Variants in TGS1 observed in about 807,000 individuals in gnomAD.
TGS1 encodes the protein trimethylguanosine synthase.
Under a neutral mutation model 92.2 loss-of-function variants are expected in TGS1, and 69 were observed. That is an observed-to-expected ratio of 0.75 (90% confidence interval 0.62 to 0.91). The LOEUF is 0.91. Among genes scored for constraint, TGS1 ranks in the 40% least tolerant of loss-of-function variants. The pLI is 0.00. For missense variants in TGS1, 1,062 were observed against 1,001.2 expected, an observed-to-expected ratio of 1.06 and a Z score of -0.82; for synonymous variants, 345 against 338.1, an observed-to-expected ratio of 1.02 and a Z score of -0.22.
chr8:55,787,622 G>A (rs1466552704), intron 4 of TGS1, among the ~76,000 whole-genome samples: 1 of 152,200 alleles, frequency 6.6e-6, no homozygotes, highest in Non-Finnish European at 1.5e-5. Flanking sequence ...GTGCAAACTG[G>A]TGCCACTCAG....
In TGS1 at chr8:55,780,176, CT is replaced by C. The variant is rs1379304311; in HGVS notation, c.102-2561del. ...CTGGCATGGCTTTTTTTTTTTTTTT[CT>C]TTTTTTTTTTGAGTCAGAGATTCGC... On this transcript the variant is annotated intron_variant, in intron 1 of 12. Transcript: ENST00000260129. Among the ~76,000 whole-genome samples, 642 of 107,092 alleles carry C rather than the reference CT, an allele frequency of 6.0e-3. 1 individual carries two copies. The highest frequency in any genetic ancestry group is 0.019 in the African/African-American group (538 of 28,038). The allele number at this position is 107,092 out of a possible 152,430, so 70.3% of individuals were successfully genotyped here.
At chr8:55,774,284 CTT>C (rs1811314795) in intron 1 of TGS1, among the ~76,000 whole-genome samples, 1 of 152,148 alleles carries the variant, frequency 6.6e-6, no homozygotes, top group Admixed American at 6.5e-5. Context: ...CGCCAAGAGA[CTT>C]GAATTCTAGG....
Position 55,786,914 on chromosome 8 carries a change from G to T in TGS1, c.1016G>T (p.Cys339Phe). The change falls in exon 4 of 13, where the codon TGT becomes TTT. Residue 339 changes from cysteine to phenylalanine, a missense_variant. Coordinates refer to ENST00000260129, the MANE Select transcript of TGS1 (RefSeq NM_024831.8). Reference protein sequence around the residue: ...EEVTQSQLDSCTSHDGHQQLS... With the variant: ...EEVTQSQLDSFTSHDGHQQLS... ...GTAACACAGAGCCAATTAGATTCCT[G>T]TACAAGTCATGATGGTCATCAACAG... 6.2e-7 allele frequency: 1 copy of T among 1,614,120 alleles called. No individual in the cohort carries two copies. The highest frequency in any genetic ancestry group is 1.1e-5 in the South Asian group (1 of 91,072).
Position 55,785,762 on chromosome 8 carries a change from T to C in TGS1, c.210T>C (p.Gly70=). 2.5e-6 allele frequency: 4 copies of C among 1,613,472 alleles called. No homozygotes were observed. Among genetic ancestry groups the C allele is most frequent in the Non-Finnish European group, 3.4e-6 (4 of 1,179,758 alleles). Residue 70 remains glycine (G), a synonymous_variant, in exon 3 of 13, where the codon GGT becomes GGC. Coordinates refer to ENST00000260129, the MANE Select transcript of TGS1 (RefSeq NM_024831.8). ...TEEEEGGYSC[G]TAESHDSKGI... ...AAGAGGAAGGTGGTTATTCCTGTGG[T>C]ACTGCAGAATCACATGACAGCAAAG...
At chr8:55,785,058 G>GTTTTTTTTTTTTTTT (rs1262385274) in intron 2 of TGS1, among the ~76,000 whole-genome samples, 1 of 143,588 alleles carries the variant, frequency 7.0e-6, no homozygotes, top group Non-Finnish European at 1.5e-5. Flanking sequence ...GGTGTTTTTT[G>GTTTTTTTTTTTTTTT]TTTTTTGTTT....
intron 12 of TGS1, among the ~76,000 whole-genome samples, chr8:55,815,422 G>T (rs1803449501): frequency 6.6e-6 from 1 of 152,072 alleles, no homozygotes; most frequent in Non-Finnish European, 1.5e-5. Flanking sequence ...TTTAATGAGA[G>T]GAGACAGTAC....
Position 55,795,665 on chromosome 8 carries a change from G to A in TGS1, c.1368-313G>A, listed in dbSNP as rs1360052590. On this transcript the variant is annotated intron_variant, in intron 6 of 12. Transcript: ENST00000260129. Reference sequence around the variant, plus strand: ...TTTATATTTCCCTAACAAGGGGATAGGGTTTTCGTTTGTTTGTTTGTTTGT... The same window carrying A: ...TTTATATTTCCCTAACAAGGGGATAAGGTTTTCGTTTGTTTGTTTGTTTGT... Among the ~76,000 whole-genome samples, 3 of 152,106 alleles carry A rather than the reference G, an allele frequency of 2.0e-5. No homozygotes were observed. In the East Asian group the frequency reaches 5.8e-4, roughly 29 times the overall value.
At chr8:55,801,903 T>C (rs973958862) in intron 8 of TGS1, among the ~76,000 whole-genome samples, 2 of 150,210 alleles carry the variant, frequency 1.3e-5, no homozygotes, top group African/African-American at 2.5e-5. Flanking sequence ...GAATTAATAA[T>C]TGGAGTTTAG....
chr8:55,810,593 A>G (rs1803312839), intron 10 of TGS1, among the ~76,000 whole-genome samples: 2 of 152,248 alleles, frequency 1.3e-5, no homozygotes, highest in Non-Finnish European at 2.9e-5. Context: ...TTTGGCACTC[A>G]GTAGATATTT....
chr8:55,819,578 G>A (rs1164188147), intron 12 of TGS1, among the ~76,000 whole-genome samples: 2 of 151,748 alleles, frequency 1.3e-5, no homozygotes, highest in Non-Finnish European at 2.9e-5. Context: ...GATTACAGGT[G>A]TGAGCCACTG....
At chr8:55,797,736 C>G (rs1360322201) in intron 7 of TGS1, among the ~76,000 whole-genome samples, 1 of 152,128 alleles carries the variant, frequency 6.6e-6, no homozygotes, top group African/African-American at 2.4e-5. Flanking sequence ...TGAGCAGAAC[C>G]TTCATGTCAA....
intron 12 of TGS1, among the ~76,000 whole-genome samples, chr8:55,817,513 TAA>T (rs946169632): frequency 6.6e-6 from 1 of 152,214 alleles, no homozygotes; most frequent in African/African-American, 2.4e-5. Context: ...CTAAATACAA[TAA>T]AAATTTATCA....
chr8:55,798,926 C>T lies in TGS1; in HGVS notation c.1555C>T (p.Leu519Phe), dbSNP rs202068366. 5.6e-6 allele frequency: 9 copies of T among 1,595,184 alleles called. No individual in the cohort carries two copies. The highest frequency in any genetic ancestry group is 7.7e-6 in the Non-Finnish European group (9 of 1,172,444). ...SKILSKVEKF[L>F]TWVNKPMDEE... ...CTTAAAATTTAAGGTAGAAAAATTCCTCACATGGGTTAATAAACCAATGGA... is the reference window on the plus strand; with the variant it reads ...CTTAAAATTTAAGGTAGAAAAATTCTTCACATGGGTTAATAAACCAATGGA... The change falls in exon 8 of 13, where the codon CTC becomes TTC. Residue 519 changes from leucine to phenylalanine, a missense_variant. Physicochemically the swap from Leu to Phe is conservative, Grantham distance 22. Transcript: ENST00000260129.
intron 1 of TGS1, among the ~76,000 whole-genome samples, chr8:55,781,083 C>G (rs1343768667): frequency 6.6e-6 from 1 of 152,214 alleles, no homozygotes; most frequent in East Asian, 1.9e-4. Flanking sequence ...GCTCATTGTG[C>G]TTATTGCTCC....
chr8:55,785,644 G>GT (rs1190688454), intron 2 of TGS1, 75 bp from the exon 3 acceptor site: 153 of 1,179,770 alleles, frequency 1.3e-4, no homozygotes, highest in Non-Finnish European at 1.7e-4. Flanking sequence ...TGGATCTCAG[G>GT]TTTTTTTAAA....
intron 1 of TGS1, among the ~76,000 whole-genome samples, chr8:55,776,463 A>G (rs12541450): frequency 0.15 from 22,789 of 151,700 alleles, 1,990 homozygotes; most frequent in African/African-American, 0.24. Flanking sequence ...TGTGTATTTA[A>G]TAGAGACGGG....
chr8:55,811,071 C>A lies in TGS1; in HGVS notation c.2334C>A (p.Asp778Glu), dbSNP rs968937098. 7 of 1,609,206 alleles carry A rather than the reference C, an allele frequency of 4.3e-6. No homozygotes were observed. Among genetic ancestry groups the A allele is most frequent in the Non-Finnish European group, 5.1e-6 (6 of 1,177,504 alleles). ...GPDYATAETF[D>E]IRTMMSPDGF... ...ACTATGCCACTGCAGAGACCTTTGA[C>A]ATTAGAACAATGATGTCTCCTGATG... Residue 778 changes from aspartate (D) to glutamate (E), a missense_variant, in exon 11 of 13, where the codon GAC becomes GAA. Coordinates refer to ENST00000260129, the MANE Select transcript of TGS1 (RefSeq NM_024831.8).
chr8:55,804,700 G>A (rs1207354536), intron 9 of TGS1, among the ~76,000 whole-genome samples, 193 bp from the exon 10 acceptor site: 1 of 152,166 alleles, frequency 6.6e-6, no homozygotes, highest in Non-Finnish European at 1.5e-5. Context: ...TCATTTCTGT[G>A]GAAATTGGGA....
intron 9 of TGS1, among the ~76,000 whole-genome samples, chr8:55,803,508 A>G (rs1667751463): frequency 6.6e-6 from 1 of 152,210 alleles, no homozygotes; most frequent in African/African-American, 2.4e-5. Flanking sequence ...TGGAAAAAGT[A>G]CGTAGGAATT....
Sources: gnomAD v4.1 joint callset for allele counts (sites outside exome capture counted in the v4.1 genomes callset) on GRCh38, gnomAD v4.1.1 for gene constraint, MANE v1.5 for transcripts, NCBI Gene and HGNC (gene_info 2026-07-23, HGNC 2026-07-21) for gene names.